The following AKAP13 variants were observed in gnomAD, a reference collection of about 807,000 sequenced individuals.
AKAP13 encodes A-kinase anchoring protein 13.
AKAP13 carries 80 observed loss-of-function variants against 264.5 expected under a neutral mutation model. That is an observed-to-expected ratio of 0.30 (90% CI 0.25 to 0.36). The LOEUF (loss-of-function observed/expected upper bound fraction) is 0.36, where lower values mean the gene tolerates loss of function less well. Among genes scored for constraint, AKAP13 ranks in the 10% least tolerant of loss-of-function variants. The pLI, the probability that AKAP13 is intolerant of heterozygous loss-of-function variation, is 1.00. For synonymous variants in AKAP13, 1,380 were observed against 1,250.2 expected (o/e 1.10, Z -2.19); for missense variants, 3,712 against 3,435.2 (o/e 1.08, Z -2.01).
At position 85,734,963 on chromosome 15, in the gene AKAP13, G is replaced by A. The variant is rs371756678; in HGVS notation, c.7283-29G>A. 1.1e-5 allele frequency: 18 copies of A among 1,607,248 alleles called. No homozygotes were observed. The East Asian group carries it at 3.6e-4, about 32-fold the overall frequency. The stretch of plus-strand genomic sequence containing the variant: ...TTTTCCCCTCATTGAAAGATAAGAT[G>A]TCAGCTTTGCATGTTTCCTTTATTC... On this transcript the variant is annotated intron_variant, in intron 30 of 36. Coordinates refer to ENST00000394518, the MANE Select transcript of AKAP13 (RefSeq NM_007200.5).
chr15:85,504,330 A>G (rs1410680511), intron 2 of AKAP13, among the ~76,000 whole-genome samples: 1 of 151,812 alleles, frequency 6.6e-6, no homozygotes, highest in Non-Finnish European at 1.5e-5. Flanking sequence ...AGAGAGATTG[A>G]TTTTAGCTAA....
intron 1 of AKAP13, among the ~76,000 whole-genome samples, chr15:85,458,668 C>G (rs7166507): frequency 0.28 from 42,453 of 151,966 alleles, 8,416 homozygotes; most frequent in African/African-American, 0.55. Context: ...TTAGGGTGAT[C>G]ATTTTGAATG....
rs751463409 is a variant in AKAP13, at chr15:85,580,998, C to A, written c.2930C>A (p.Ala977Glu). ...TCAGCTGACTGTGCCAAGGACAAAG[C>A]ACTTCAGCTAAGTAATTCACCGGGT... ...SISADCAKDK[A>E]LQLSNSPGAS... Residue 977 changes from alanine to glutamate, a missense_variant, in exon 7 of 37, where the codon GCA becomes GAA. Around this residue, in one of 3 missense-constraint regions of AKAP13, gnomAD observed 2,759 missense variants for 2,411.7 expected, o/e 1.14. Transcript: ENST00000394518. 3.7e-6 allele frequency: 6 copies of A among 1,613,882 alleles called. 1 individual carries two copies. Among genetic ancestry groups the A allele is most frequent in the Non-Finnish European group, 5.1e-6 (6 of 1,179,882 alleles).
At chr15:85,693,158 C>G (rs2085384525) in intron 16 of AKAP13, 119 bp from the exon 17 acceptor site, 1 of 1,386,214 alleles carries the variant, frequency 7.2e-7, no homozygotes, top group Non-Finnish European at 9.3e-7. Flanking sequence ...AACTTTGTTT[C>G]TCACTCCTTT....
intron 8 of AKAP13, among the ~76,000 whole-genome samples, chr15:85,586,452 C>T (rs556782183): frequency 6.6e-6 from 1 of 152,242 alleles, no homozygotes; most frequent in Admixed American, 6.5e-5. Flanking sequence ...GATCCACCTG[C>T]CTCAGCCTCC....
intron 33 of AKAP13, among the ~76,000 whole-genome samples, chr15:85,737,515 C>G (rs907306050): frequency 3.3e-5 from 5 of 152,122 alleles, no homozygotes; most frequent in African/African-American, 1.2e-4. Flanking sequence ...CTCCAAGGAA[C>G]TTTATTTTTG....
Position 85,529,249 on chromosome 15 carries a change from A to G in AKAP13, c.182-4335A>G, listed in dbSNP as rs143105438. ...ATCCTGGCTAATGCAATGAAACCCC[A>G]TCTCTACAAGAATACAAAAAAATTA... On this transcript the variant is annotated intron_variant, in intron 3 of 36. Transcript: ENST00000394518. Among the ~76,000 whole-genome samples, 71 of 152,196 alleles carry G rather than the reference A, an allele frequency of 4.7e-4. No homozygotes were observed. In the East Asian group the frequency reaches 0.011, roughly 24 times the overall value.
rs577531426 is a variant in AKAP13, at chr15:85,500,897, C to G, written c.33+15144C>G. Among the ~76,000 whole-genome samples, 5 of 152,308 alleles carry G rather than the reference C, an allele frequency of 3.3e-5. No homozygotes were observed. In the East Asian group the frequency reaches 9.6e-4, roughly 29 times the overall value. On this transcript the variant is annotated intron_variant, in intron 2 of 36. Coordinates refer to ENST00000394518, the MANE Select transcript of AKAP13 (RefSeq NM_007200.5). ...TGACCCCATGTGATATACAGAGCAT[C>G]TGGCGGCTGGGGTGGAATTCTCAGC...
intron 8 of AKAP13, among the ~76,000 whole-genome samples, chr15:85,616,055 C>A (rs1206967868): frequency 6.6e-6 from 1 of 152,194 alleles, no homozygotes; most frequent in Admixed American, 6.5e-5. Context: ...AGTGTCCATT[C>A]ACATGCTGCT....
At chr15:85,562,691 C>CTTTTTTTTTT (rs10598092) in intron 5 of AKAP13, among the ~76,000 whole-genome samples, 8 of 100,512 alleles carry the variant, frequency 8.0e-5, no homozygotes, top group South Asian at 3.3e-4. Flanking sequence ...CTTTTCTTTT[C>CTTTTTTTTTT]TTTTTTTTTT....
chr15:85,491,640 AG>A (rs1233239394), intron 2 of AKAP13, among the ~76,000 whole-genome samples: 1 of 150,838 alleles, frequency 6.6e-6, no homozygotes, highest in Non-Finnish European at 1.5e-5. Context: ...GCTTTTTGGG[AG>A]GAAAAAAACT....
At chr15:85,543,981 C>T (rs7162720) in intron 5 of AKAP13, 26 bp downstream of exon 5, 1,487,081 of 1,609,644 alleles carry the variant, frequency 0.92, 688,262 homozygotes, top group African/African-American at 0.98. Context: ...GCCTTATTTC[C>T]CTCCTCTCAT....
chr15:85,603,671 AG>A (rs2080192741), intron 8 of AKAP13, among the ~76,000 whole-genome samples: 1 of 152,220 alleles, frequency 6.6e-6, no homozygotes, highest in Non-Finnish European at 1.5e-5. Context: ...CAGCCTCGCC[AG>A]AATCCCCTTA....
chr15:85,726,886 A>T, intron 27 of AKAP13, 180 bp from the exon 28 acceptor site: 1 of 672,600 alleles, frequency 1.5e-6, no homozygotes, highest in Admixed American at 3.0e-5. Context: ...CCCTTTTGAA[A>T]TCTTTTTTTG....
At chr15:85,519,555 A>G (rs1166683639) in intron 2 of AKAP13, among the ~76,000 whole-genome samples, 1 of 152,224 alleles carries the variant, frequency 6.6e-6, no homozygotes, top group Non-Finnish European at 1.5e-5. Flanking sequence ...CATCATGCCA[A>G]AGAAGATTAC....
chr15:85,542,100 G>A (rs1390172584), intron 4 of AKAP13, among the ~76,000 whole-genome samples: 3 of 152,194 alleles, frequency 2.0e-5, no homozygotes, highest in East Asian at 1.9e-4. Flanking sequence ...TTCTTGATAA[G>A]GATGTCAGAA....
At chr15:85,729,487 A>G (rs1206144609) in intron 29 of AKAP13, among the ~76,000 whole-genome samples, 1 of 152,160 alleles carries the variant, frequency 6.6e-6, no homozygotes, top group African/African-American at 2.4e-5. Context: ...ACGTGCTGAG[A>G]ACAAGGCATC....
At chr15:85,432,155 T>C (rs2073051417) in intron 1 of AKAP13, among the ~76,000 whole-genome samples, 1 of 152,168 alleles carries the variant, frequency 6.6e-6, no homozygotes, top group African/African-American at 2.4e-5. Context: ...TAGCTTTCTC[T>C]TTTAGCTATT....
intron 2 of AKAP13, 120 bp from the exon 3 acceptor site, chr15:85,521,308 A>G: frequency 8.3e-7 from 1 of 1,210,610 alleles, no homozygotes; most frequent in Non-Finnish European, 1.2e-6. Flanking sequence ...TCAGCTTACC[A>G]GAATGGGGGC....
Sources: allele counts gnomAD v4.1 joint callset (sites outside exome capture counted in the v4.1 genomes callset), GRCh38; gene constraint gnomAD v4.1.1; regional missense constraint gnomAD v4.1.1; transcripts MANE v1.5; gene names NCBI Gene and HGNC (gene_info 2026-07-23, HGNC 2026-07-21).